CAMK4: variants seen among roughly 807,000 people sequenced by gnomAD.
CAMK4 encodes calcium/calmodulin dependent protein kinase IV, also known as calcium/calmodulin-dependent protein kinase type IV.
Under a neutral mutation model 44.9 loss-of-function variants are expected in CAMK4, and 22 were observed. That is an observed-to-expected ratio of 0.49 (90% CI 0.35 to 0.70). The LOEUF (loss-of-function observed/expected upper bound fraction) is 0.70, where lower values mean the gene tolerates loss of function less well. Among genes scored for constraint, CAMK4 ranks in the 30% least tolerant of loss-of-function variants. The probability of loss-of-function intolerance (pLI) is 0.01; values close to 1 mark genes in which losing one functional copy is unlikely to be tolerated. For missense variants in CAMK4, 498 were observed against 586.8 expected, an observed-to-expected ratio of 0.85 and a Z score of 1.56; for synonymous variants, 218 against 215.4, an observed-to-expected ratio of 1.01 and a Z score of -0.11.
chr5:111,444,132 G>A (rs1207410686), intron 5 of CAMK4, among the ~76,000 whole-genome samples: 1 of 151,894 alleles, frequency 6.6e-6, no homozygotes, highest in East Asian at 1.9e-4. Flanking sequence ...AATGTTCATT[G>A]AGCATCTCCT....
chr5:111,321,466 T>C (rs1748659661), intron 1 of CAMK4, among the ~76,000 whole-genome samples: 1 of 151,896 alleles, frequency 6.6e-6, no homozygotes, highest in African/African-American at 2.4e-5. Flanking sequence ...TCTGAACTTT[T>C]AATTTATACA....
At chr5:111,432,637 CAT>C (rs1307709530) in intron 5 of CAMK4, among the ~76,000 whole-genome samples, 2,352 of 136,928 alleles carry the variant, frequency 0.017, 66 homozygotes, top group African/African-American at 0.062. Context: ...TATATATATA[CAT>C]ATATATATGT....
chr5:111,346,601 A>T (rs1263388733), intron 2 of CAMK4, among the ~76,000 whole-genome samples: 1 of 151,872 alleles, frequency 6.6e-6, no homozygotes, highest in East Asian at 1.9e-4. Flanking sequence ...AAAAGAATAT[A>T]AATTTATTCT....
At chr5:111,457,691 G>A (rs890172312) in intron 7 of CAMK4, among the ~76,000 whole-genome samples, 20 of 152,068 alleles carry the variant, frequency 1.3e-4, no homozygotes, top group Non-Finnish European at 1.2e-4. Context: ...GAAAAATGTA[G>A]GAAAATTTAA....
intron 1 of CAMK4, among the ~76,000 whole-genome samples, chr5:111,340,240 A>G (rs1749583421): frequency 6.6e-6 from 1 of 151,182 alleles, no homozygotes; most frequent in South Asian, 2.1e-4. Flanking sequence ...TGTTCTGGCT[A>G]GGGTTTCTAC....
At chr5:111,319,202 T>A (rs1438629700) in intron 1 of CAMK4, among the ~76,000 whole-genome samples, 2 of 152,206 alleles carry the variant, frequency 1.3e-5, no homozygotes, top group Non-Finnish European at 2.9e-5. Context: ...AGCTTTCTAT[T>A]CTAGAAAGAT....
intron 1 of CAMK4, among the ~76,000 whole-genome samples, chr5:111,326,878 A>G (rs182524297): frequency 4.6e-5 from 7 of 152,086 alleles, no homozygotes; most frequent in South Asian, 2.1e-4. Context: ...TGCATGGACC[A>G]ATGGCAACAG....
At chr5:111,348,150 C>T (rs143268152) in intron 2 of CAMK4, among the ~76,000 whole-genome samples, 9 of 151,896 alleles carry the variant, frequency 5.9e-5, no homozygotes, top group South Asian at 2.1e-4. Flanking sequence ...TTCCATTTTG[C>T]GGCAATATGA....
chr5:111,444,876 G>T (rs1002600838), intron 5 of CAMK4, among the ~76,000 whole-genome samples: 2 of 152,172 alleles, frequency 1.3e-5, no homozygotes, highest in Admixed American at 1.3e-4. Flanking sequence ...AACTATGCTA[G>T]TGAACAGAGA....
chr5:111,250,787 C>T (rs1489357067), intron 1 of CAMK4, among the ~76,000 whole-genome samples: 3 of 152,244 alleles, frequency 2.0e-5, no homozygotes, highest in Admixed American at 2.0e-4. Flanking sequence ...ATTCTGAGCC[C>T]CTACCCTTCA....
chr5:111,474,468 C>T (rs1755168732), intron 8 of CAMK4, among the ~76,000 whole-genome samples: 1 of 152,098 alleles, frequency 6.6e-6, no homozygotes, highest in African/African-American at 2.4e-5. Flanking sequence ...TATGAGGGGA[C>T]TAATCCCATG....
At chr5:111,332,348 C>T (rs1041369174) in intron 1 of CAMK4, among the ~76,000 whole-genome samples, 6 of 148,434 alleles carry the variant, frequency 4.0e-5, no homozygotes, top group Non-Finnish European at 7.4e-5. Context: ...TTTGTCCTTG[C>T]GATAGATTAC....
At chr5:111,281,311 A>G (rs1278520926) in intron 1 of CAMK4, among the ~76,000 whole-genome samples, 1 of 152,014 alleles carries the variant, frequency 6.6e-6, no homozygotes, top group African/African-American at 2.4e-5. Context: ...GTGATTTTGC[A>G]CTCCTGCTTT....
intron 5 of CAMK4, among the ~76,000 whole-genome samples, chr5:111,436,618 A>T (rs1313798216): frequency 1.3e-5 from 2 of 152,224 alleles, no homozygotes; most frequent in Non-Finnish European, 2.9e-5. Flanking sequence ...GGCCATCTTC[A>T]TTCTCACTAC....
intron 7 of CAMK4, among the ~76,000 whole-genome samples, chr5:111,462,282 G>A (rs1032692395): frequency 3.3e-5 from 5 of 152,054 alleles, no homozygotes; most frequent in South Asian, 2.1e-4. Context: ...GGCCAACCCC[G>A]TACTAAAAAT....
At chr5:111,239,437 G>A (rs2112514541) in intron 1 of CAMK4, among the ~76,000 whole-genome samples, 1 of 152,224 alleles carries the variant, frequency 6.6e-6, no homozygotes, top group Admixed American at 6.5e-5. Context: ...TTAATGAATA[G>A]CTAACACACA....
In CAMK4 at chr5:111,473,913, GA is replaced by G. The variant is rs370970321; in HGVS notation, c.701+535del. On this transcript the variant is annotated intron_variant, in intron 8 of 10. Transcript: ENST00000282356. ...TTAACACCCTACACAAATTTCTTGGGAAAAAAAATGAGTGAAATATTTTAAT... is the reference window on the plus strand; with the variant it reads ...TTAACACCCTACACAAATTTCTTGGGAAAAAAATGAGTGAAATATTTTAAT... 8.6e-4 allele frequency among the ~76,000 whole-genome samples: 130 copies of G among 151,776 alleles called. 1 individual carries two copies. The highest frequency in any genetic ancestry group is 3.4e-3 in the Middle Eastern group (1 of 294).
At chr5:111,378,805 T>C (rs188518051) in intron 4 of CAMK4, among the ~76,000 whole-genome samples, 1 of 152,274 alleles carries the variant, frequency 6.6e-6, no homozygotes, top group African/African-American at 2.4e-5. Context: ...ATAATTTACT[T>C]AACTTCTCTG....
intron 7 of CAMK4, among the ~76,000 whole-genome samples, chr5:111,468,109 G>A (rs1754912898): frequency 1.3e-5 from 2 of 152,280 alleles, no homozygotes; most frequent in African/African-American, 2.4e-5. Flanking sequence ...CTCATAAGTG[G>A]GAGATAAGCA....
Sources: gnomAD v4.1 joint callset for allele counts (sites outside exome capture counted in the v4.1 genomes callset) on GRCh38, gnomAD v4.1.1 for gene constraint, MANE v1.5 for transcripts, NCBI Gene and HGNC (gene_info 2026-07-23, HGNC 2026-07-21) for gene names.